HID1: variants seen among roughly 807,000 people sequenced by gnomAD.
The protein encoded by HID1 is protein HID1.
Under a neutral mutation model 89.7 loss-of-function variants are expected in HID1, and 42 were observed. The observed-to-expected ratio is 0.47, with a 90% CI of 0.37 to 0.61. The LOEUF is 0.61. Among genes scored for constraint, HID1 ranks in the 20% least tolerant of loss-of-function variants. The pLI is 0.00. For synonymous variants in HID1, 442 were observed against 433.8 expected, an observed-to-expected ratio of 1.02 and a Z score of -0.24; for missense variants, 854 against 1,039.3, an observed-to-expected ratio of 0.82 and a Z score of 2.45.
At chr17:74,970,410 T>C (rs1411193793) in intron 1 of HID1, among the ~76,000 whole-genome samples, 1 of 152,120 alleles carries the variant, frequency 6.6e-6, no homozygotes, top group Admixed American at 6.5e-5. Flanking sequence ...TGTATACACA[T>C]GTAAATATGC....
At position 74,954,451 on chromosome 17, in the gene HID1, T is replaced by C. The variant is rs1205173544; in HGVS notation, c.1637-86A>G. On this transcript the variant is annotated intron_variant, in intron 13 of 18. Transcript: ENST00000425042. The stretch of plus-strand genomic sequence containing the variant: ...TGGGTGGGCTTCCTGGAAGGGGGAG[T>C]TTGGAGGACAGGAGGGTGTCTGCCC... 5.2e-6 allele frequency: 8 copies of C among 1,539,038 alleles called. No individual in the cohort carries two copies. The East Asian group carries it at 2.0e-4, about 38-fold the overall frequency.
At position 74,954,195 on chromosome 17, in the gene HID1, G is replaced by A. The variant is rs776930389; in HGVS notation, c.1807C>T (p.Arg603Cys). ...CCTGGCTCTGCAGGGGCAGCGGGGC[G>A]GGAGCCCTCCATGGAGGTGCCCTCC... is the stretch of plus-strand genomic sequence containing the variant. Reference protein sequence around the residue: ...SQEGTSMEGSRPAAPAEPGTL... With the variant: ...SQEGTSMEGSCPAAPAEPGTL... The change falls in exon 14 of 19, where the codon CGC becomes TGC. Residue 603 changes from arginine (R) to cysteine (C), a missense_variant. Coordinates refer to ENST00000425042, the MANE Select transcript of HID1 (RefSeq NM_030630.3). 8.5e-5 allele frequency: 137 copies of A among 1,602,668 alleles called. No homozygotes were observed. The highest frequency in any genetic ancestry group is 6.1e-4 in the East Asian group (27 of 44,458).
chr17:74,953,081 G>A lies in HID1; in HGVS notation c.1977C>T (p.Pro659=). Residue 659 remains proline (P), a synonymous_variant, in exon 16 of 19, where the codon CCC becomes CCT. Coordinates refer to ENST00000425042, the MANE Select transcript of HID1 (RefSeq NM_030630.3). The part of the protein sequence containing the change: ...LEDGSPAKGE[P]SQAWREQRRP... ...GCCGCTGCTCCCTCCATGCCTGGCT[G>A]GGCTCCTGGCCCCCAGAAAGGAACA... 1 of 1,604,882 alleles carries A rather than the reference G, an allele frequency of 6.2e-7. No homozygotes were observed. Among genetic ancestry groups the A allele is most frequent in the Non-Finnish European group, 8.5e-7 (1 of 1,176,864 alleles).
chr17:74,961,824 T>A, intron 6 of HID1, 49 bp downstream of exon 6: 1 of 1,191,762 alleles, frequency 8.4e-7, no homozygotes, highest in Non-Finnish European at 1.2e-6. Context: ...AGCTCTGGAT[T>A]GCCTGGAATA....
intron 1 of HID1, among the ~76,000 whole-genome samples, chr17:74,965,712 T>C (rs935474497): frequency 6.6e-6 from 1 of 151,062 alleles, no homozygotes; most frequent in African/African-American, 2.4e-5. Context: ...TGATCAGGAG[T>C]TCGAGACCAG....
rs1256303613 is a variant in HID1, at chr17:74,952,053, C to A, written c.2155G>T (p.Asp719Tyr). 1 of 1,556,788 alleles carries A rather than the reference C, an allele frequency of 6.4e-7. No individual in the cohort carries two copies. The highest frequency in any genetic ancestry group is 2.4e-5 in the East Asian group (1 of 42,014). ...AGGAACCGCAGGATCTCAGACTCAT[C>A]CGTCAGGCCCCTGCGGGGAGAGGGG... ...EKICIDKGLTDESEILRFLQH... is the reference protein window; with the variant it reads ...EKICIDKGLTYESEILRFLQH... The change falls in exon 18 of 19, where the codon GAT becomes TAT. Residue 719 changes from aspartate (D) to tyrosine (Y), a missense_variant. Coordinates refer to ENST00000425042, the MANE Select transcript of HID1 (RefSeq NM_030630.3).
chr17:74,971,974 C>T (rs564436007), intron 1 of HID1, among the ~76,000 whole-genome samples: 3 of 152,284 alleles, frequency 2.0e-5, no homozygotes, highest in Non-Finnish European at 2.9e-5. Context: ...AGCTGGGAGG[C>T]TGTGCTCAGT....
At position 74,951,577 on chromosome 17, in the gene HID1, C is replaced by G; in HGVS notation, c.2360G>C (p.Arg787Pro). 1 of 1,611,562 alleles carries G rather than the reference C, an allele frequency of 6.2e-7. No individual in the cohort carries two copies. The highest frequency in any genetic ancestry group is 8.5e-7 in the Non-Finnish European group (1 of 1,178,996). ...CCCTCGTCGGCTTCATCCTCACACC[C>G]GCTGTATCTCAAACAGCTTCACGTC... ...DTDVKLFEIQ[R>P]V Residue 787 changes from arginine to proline, a missense_variant, in exon 19 of 19, where the codon CGG becomes CCG. Physicochemically the swap from Arg to Pro is moderately radical, Grantham distance 103. Coordinates refer to ENST00000425042, the MANE Select transcript of HID1 (RefSeq NM_030630.3).
chr17:74,954,463 G>A (rs2039358337), intron 13 of HID1, 98 bp from the exon 14 acceptor site: 1 of 1,535,000 alleles, frequency 6.5e-7, no homozygotes, highest in African/African-American at 1.4e-5. Context: ...TGGAGGACAG[G>A]AGGGTGTCTG....
intron 12 of HID1, among the ~76,000 whole-genome samples, chr17:74,957,434 G>A (rs1344126503): frequency 1.3e-5 from 2 of 151,830 alleles, no homozygotes; most frequent in Non-Finnish European, 2.9e-5. Context: ...TGGAGATTGT[G>A]CCACTGCACT....
intron 1 of HID1, among the ~76,000 whole-genome samples, chr17:74,969,019 T>C (rs2039603852): frequency 1.3e-5 from 2 of 152,192 alleles, no homozygotes; most frequent in African/African-American, 4.8e-5. Context: ...GGTCCCACTG[T>C]GGCTTGGACA....
rs1243966389 is a variant in HID1, at chr17:74,962,565, C to G, written c.505-225G>C. Among the ~76,000 whole-genome samples, 3 of 152,304 alleles carry G rather than the reference C, an allele frequency of 2.0e-5. No individual in the cohort carries two copies. The highest frequency in any genetic ancestry group is 2.0e-4 in the Admixed American group (3 of 15,298). On this transcript the variant is annotated intron_variant, in intron 4 of 18. Coordinates refer to ENST00000425042, the MANE Select transcript of HID1 (RefSeq NM_030630.3). The surrounding 1 kb of genome is among the most constrained non-coding windows in gnomAD (Gnocchi z 4.3). ...TTCTTCCATCTCAGACTGGTTCTTT[C>G]ACTTGCTCAGTCCAGTTTGGGACAG... is the stretch of plus-strand genomic sequence containing the variant.
At chr17:74,966,113 C>T (rs185255367) in intron 1 of HID1, among the ~76,000 whole-genome samples, 4 of 151,382 alleles carry the variant, frequency 2.6e-5, no homozygotes, top group Admixed American at 1.3e-4. Context: ...GGTGAAACCC[C>T]GTCTCTACTA....
At chr17:74,956,721 C>G (rs1403129934) in intron 12 of HID1, among the ~76,000 whole-genome samples, 1 of 152,252 alleles carries the variant, frequency 6.6e-6, no homozygotes, top group African/African-American at 2.4e-5. Context: ...CCCCTAGCCA[C>G]AACCATCCTC....
chr17:74,961,466 C>T (rs997863177), intron 6 of HID1: 1 of 152,188 alleles, frequency 6.6e-6, no homozygotes, highest in Non-Finnish European at 1.5e-5. Flanking sequence ...TACGGTTTCA[C>T]CATGTTGGCC....
At position 74,962,412 on chromosome 17, in the gene HID1, C is replaced by T. The variant is rs2039496560; in HGVS notation, c.505-72G>A. On this transcript the variant is annotated intron_variant, in intron 4 of 18. Transcript: ENST00000425042. This position sits in a 1 kb window ranked among gnomAD's most constrained non-coding sequence, Gnocchi z 4.3. Reference sequence around the variant, plus strand: ...ACAGCAGCCTGGGTCAGAACCTGGCCACCTCGAGCCTCACACAGTCCCAGG... The same window carrying T: ...ACAGCAGCCTGGGTCAGAACCTGGCTACCTCGAGCCTCACACAGTCCCAGG... 8 of 971,020 alleles carry T rather than the reference C, an allele frequency of 8.2e-6. No individual in the cohort carries two copies. Among genetic ancestry groups the T allele is most frequent in the Non-Finnish European group, 1.3e-5 (8 of 635,264 alleles). The allele number at this position is 971,020 out of a possible 1,614,324, so 60.2% of individuals were successfully genotyped here. A position where few individuals can be genotyped will look rare whatever the true frequency, so the allele number is the denominator to read the frequency against.
rs1389241970 is a variant in HID1 at position 74,954,293 on chromosome 17, T to C, written c.1709A>G (p.Asp570Gly). The C allele has an allele frequency of 6.3e-7, 1 of 1,587,652 alleles. No homozygotes were observed. The highest frequency in any genetic ancestry group is 8.6e-7 in the Non-Finnish European group (1 of 1,167,858). The change falls in exon 14 of 19, where the codon GAC becomes GGC. Residue 570 changes from aspartate (D) to glycine (G), a missense_variant. Asp to Gly is a moderately conservative substitution (Grantham distance 94). Transcript: ENST00000425042. ...CAGGGCCTTGTGAATGGTGGGCGGGTCCGTGGGCAGGTTGGCCAGCTGGTG... is the reference window on the plus strand; with the variant it reads ...CAGGGCCTTGTGAATGGTGGGCGGGCCCGTGGGCAGGTTGGCCAGCTGGTG... ...IFHQLANLPT[D>G]PPTIHKALQR...
At chr17:74,952,144 T>C in intron 17 of HID1, 81 bp from the exon 18 acceptor site, 1 of 1,526,504 alleles carries the variant, frequency 6.6e-7, no homozygotes, top group African/African-American at 1.4e-5. Flanking sequence ...AAGACCCATG[T>C]TTCCCATCAC....
chr17:74,964,357 G>T (rs2039530433), intron 2 of HID1, 126 bp downstream of exon 2: 2 of 1,067,440 alleles, frequency 1.9e-6, no homozygotes, highest in African/African-American at 3.2e-5. Flanking sequence ...ACAGAGAAGT[G>T]GAAGAGCTGA....
Sources: gnomAD v4.1 joint callset for allele counts (sites outside exome capture counted in the v4.1 genomes callset) on GRCh38, gnomAD v4.1.1 for gene constraint, Gnocchi (gnomAD v3.1) non-coding constraint, MANE v1.5 for transcripts, NCBI Gene and HGNC (gene_info 2026-07-23, HGNC 2026-07-21) for gene names.